TOM1: variants seen among roughly 807,000 people sequenced by gnomAD.
The protein encoded by TOM1 is target of myb1 membrane trafficking protein.
TOM1 carries 38 observed loss-of-function variants against 61.3 expected under a neutral mutation model. The observed-to-expected ratio is 0.62, with a 90% CI of 0.48 to 0.81. The LOEUF is 0.81. TOM1 is among the 40% of genes least tolerant of loss of function. The pLI is 0.00. For synonymous variants in TOM1, 270 were observed against 268.8 expected (o/e 1.00, Z -0.04); for missense variants, 591 against 659.6 (o/e 0.90, Z 1.14).
At chr22:35,328,699 C>T (rs1928553131) in intron 7 of TOM1, among the ~76,000 whole-genome samples, 2 of 152,210 alleles carry the variant, frequency 1.3e-5, no homozygotes, top group South Asian at 2.1e-4. Context: ...GAGGAAATCC[C>T]GGAGGCCTGA....
intron 1 of TOM1, among the ~76,000 whole-genome samples, chr22:35,304,009 A>T (rs538634160): frequency 6.6e-6 from 1 of 152,212 alleles, no homozygotes; most frequent in African/African-American, 2.4e-5. Flanking sequence ...AGCAAACACC[A>T]TAATAACTCT....
At chr22:35,308,984 C>CT (rs1226902287) in intron 1 of TOM1, among the ~76,000 whole-genome samples, 12 of 151,908 alleles carry the variant, frequency 7.9e-5, no homozygotes, top group African/African-American at 2.7e-4. Context: ...CACGCTGGGT[C>CT]TGGAAAGAGT....
At chr22:35,329,712 G>C (rs1307970173) in intron 7 of TOM1, among the ~76,000 whole-genome samples, 1 of 152,176 alleles carries the variant, frequency 6.6e-6, no homozygotes, top group Non-Finnish European at 1.5e-5. Context: ...TGTTCAGCCA[G>C]CCCCCTTTGC....
intron 6 of TOM1, among the ~76,000 whole-genome samples, chr22:35,325,539 A>C (rs989237044): frequency 1.3e-5 from 2 of 152,174 alleles, no homozygotes; most frequent in Non-Finnish European, 2.9e-5. Flanking sequence ...CTCCAAGAAC[A>C]GTTTTTATGT....
chr22:35,331,273 T>A (rs1483772329), intron 8 of TOM1: 1 of 210,238 alleles, frequency 4.8e-6, no homozygotes, highest in African/African-American at 2.7e-5. Context: ...TTTTCTTTTC[T>A]TTTTTTTTTT....
At chr22:35,347,009 G>T (rs747810511) in intron 14 of TOM1, 40 bp downstream of exon 14, 1 of 1,260,800 alleles carries the variant, frequency 7.9e-7, no homozygotes, top group East Asian at 4.0e-5. Flanking sequence ...CCTTTCCCCA[G>T]GGCTCTGGCC....
At chr22:35,318,601 G>A (rs1265095028) in intron 2 of TOM1, among the ~76,000 whole-genome samples, 4 of 152,222 alleles carry the variant, frequency 2.6e-5, no homozygotes, top group Admixed American at 1.3e-4. Context: ...CTGACCAGCC[G>A]TGTGACCTTC....
chr22:35,321,599 A>C (rs1927793057), intron 2 of TOM1: 1 of 399,056 alleles, frequency 2.5e-6, no homozygotes, highest in East Asian at 7.0e-5. Flanking sequence ...GGGTTTCACC[A>C]TGTTGGCCAG....
chr22:35,304,105 C>A (rs1926098409), intron 1 of TOM1, among the ~76,000 whole-genome samples: 1 of 152,188 alleles, frequency 6.6e-6, no homozygotes, highest in Admixed American at 6.5e-5. Context: ...CACCAAAAGT[C>A]AGTCTAAGAG....
At position 35,323,565 on chromosome 22, in the gene TOM1, AG is replaced by A. The variant is rs1206044214; in HGVS notation, c.438del (p.Gly148AlafsTer6). On this transcript the variant is annotated frameshift_variant, in exon 5 of 15. Coordinates refer to ENST00000449058, the MANE Select transcript of TOM1 (RefSeq NM_005488.3). LOFTEE classifies it high-confidence loss of function. The surrounding 1 kb of genome is among the most constrained non-coding windows in gnomAD (Gnocchi z 4.2). ...GGTCACCATCTATGAGGACCTGCGG[AG>A]GAAAGGCCTGGAGTTCCCCATGACT... Reference protein sequence around the residue: ...GVVTIYEDLRRKGLEFPMTDL... With the variant: ...GVVTIYEDLRXKGLEFPMTDL... 1 of 1,614,044 alleles carries A rather than the reference AG, an allele frequency of 6.2e-7. No homozygotes were observed. The highest frequency in any genetic ancestry group is 1.7e-5 in the Admixed American group (1 of 60,004).
At chr22:35,328,620 T>C (rs186013572) in intron 7 of TOM1, among the ~76,000 whole-genome samples, 7 of 152,232 alleles carry the variant, frequency 4.6e-5, no homozygotes, top group Non-Finnish European at 1.0e-4. Context: ...GTGTGCTTGG[T>C]CATAAGAGCA....
chr22:35,345,707 C>T lies in TOM1; in HGVS notation c.1225-18C>T, dbSNP rs375781850. On this transcript the variant is annotated intron_variant, in intron 12 of 14. Coordinates refer to ENST00000449058, the MANE Select transcript of TOM1 (RefSeq NM_005488.3). ...TTGTCACCTAGGGCACTGCCTTACC[C>T]TCTGCCCTTCCTTCCAGATCCCAGT... is the stretch of plus-strand genomic sequence containing the variant. The T allele has an allele frequency of 1.5e-4, 237 of 1,613,852 alleles. No individual in the cohort carries two copies. Among genetic ancestry groups the T allele is most frequent in the Non-Finnish European group, 1.9e-4 (227 of 1,179,892 alleles).
chr22:35,327,249 C>T (rs1229553271), intron 6 of TOM1, 22 bp from the exon 7 acceptor site: 1 of 1,608,518 alleles, frequency 6.2e-7, no homozygotes, highest in Non-Finnish European at 8.5e-7. Context: ...CTTCTCTCAC[C>T]ACGATCAACT....
chr22:35,305,419 T>C (rs1926235653), intron 1 of TOM1, among the ~76,000 whole-genome samples: 2 of 152,168 alleles, frequency 1.3e-5, no homozygotes, highest in South Asian at 4.1e-4. Context: ...CCCAGCACGT[T>C]GGGAGGCCGA....
chr22:35,319,278 G>A lies in TOM1; in HGVS notation c.137+1317G>A, dbSNP rs367589168. 2.6e-4 allele frequency among the ~76,000 whole-genome samples: 40 copies of A among 152,262 alleles called. No homozygotes were observed. In the East Asian group the frequency reaches 5.8e-3, roughly 22 times the overall value. Reference sequence around the variant, plus strand: ...ACATGGGAGGAACAGGCTCGGCGTCGGTCAGGTGCATTGCTATTTATTTGA... The same window carrying A: ...ACATGGGAGGAACAGGCTCGGCGTCAGTCAGGTGCATTGCTATTTATTTGA... On this transcript the variant is annotated intron_variant, in intron 2 of 14. Coordinates refer to ENST00000449058, the MANE Select transcript of TOM1 (RefSeq NM_005488.3).
At chr22:35,338,193 C>T (rs1292466741) in intron 11 of TOM1, among the ~76,000 whole-genome samples, 1 of 152,176 alleles carries the variant, frequency 6.6e-6, no homozygotes, top group East Asian at 1.9e-4. Context: ...AACCAAGCCA[C>T]CTCCCATGCT....
chr22:35,303,653 A>G (rs1207964403), intron 1 of TOM1, among the ~76,000 whole-genome samples: 1 of 151,928 alleles, frequency 6.6e-6, no homozygotes, highest in East Asian at 1.9e-4. Flanking sequence ...GCACACCACC[A>G]TGCCCGGCTA....
chr22:35,331,473 C>T (rs541837237), intron 8 of TOM1: 2 of 350,504 alleles, frequency 5.7e-6, no homozygotes, highest in East Asian at 1.8e-4. Context: ...ATTGGCTGAG[C>T]TTCATTGTGC....
intron 2 of TOM1, among the ~76,000 whole-genome samples, chr22:35,318,502 C>T (rs1463988600): frequency 6.6e-6 from 1 of 152,228 alleles, no homozygotes; most frequent in Admixed American, 6.5e-5. Context: ...GTCACGGTAT[C>T]GTCTTGCTCA....
Sources: allele counts gnomAD v4.1 joint callset (sites outside exome capture counted in the v4.1 genomes callset), GRCh38; gene constraint gnomAD v4.1.1; non-coding constraint Gnocchi (gnomAD v3.1); transcripts MANE v1.5; gene names NCBI Gene and HGNC (gene_info 2026-07-23, HGNC 2026-07-21).